DGCR8: variants seen among roughly 807,000 people sequenced by gnomAD.
DGCR8 encodes the protein DGCR8 microprocessor complex subunit.
DGCR8 carries 14 observed loss-of-function variants against 78.5 expected under a neutral mutation model. The observed-to-expected ratio is 0.18, with a 90% confidence interval of 0.12 to 0.28. The LOEUF (loss-of-function observed/expected upper bound fraction) is 0.28, where lower values mean the gene tolerates loss of function less well. Among genes scored for constraint, DGCR8 ranks in the 10% least tolerant of loss-of-function variants. DGCR8 has a pLI of 1.00. For missense variants in DGCR8, 702 were observed against 1,022.5 expected, an observed-to-expected ratio of 0.69 and a Z score of 4.28; for synonymous variants, 399 against 402.4, an observed-to-expected ratio of 0.99 and a Z score of 0.10.
At chr22:20,106,860 G>A (rs1042354648) in intron 11 of DGCR8, 162 bp downstream of exon 11, 6 of 619,548 alleles carry the variant, frequency 9.7e-6, no homozygotes, top group Admixed American at 7.9e-5. Flanking sequence ...ACTGGCAGCC[G>A]TCCTGCCTGC....
Position 20,086,034 on chromosome 22 carries a change from C to T in DGCR8, c.71C>T (p.Ala24Val). ...GGAGAAGCGGTGATGGAGAGCCGAG[C>T]TCGCCCCTTCCAAGCGCTGCCCCGT... is the stretch of plus-strand genomic sequence containing the variant. ...PAGEAVMESR[A>V]RPFQALPREQ... is the part of the protein sequence containing the mutation. The change falls in exon 2 of 14, where the codon GCT becomes GTT. Residue 24 changes from alanine (A) to valine (V), a missense_variant. Ala to Val is a moderately conservative substitution (Grantham distance 64). Around this residue, in one of 4 missense-constraint regions of DGCR8, gnomAD observed 356 missense variants for 448.9 expected, o/e 0.79. Coordinates refer to ENST00000351989, the MANE Select transcript of DGCR8 (RefSeq NM_022720.7). The surrounding 1 kb of genome is among the most constrained non-coding windows in gnomAD (Gnocchi z 6.4). 2 of 1,613,786 alleles carry T rather than the reference C, an allele frequency of 1.2e-6. No homozygotes were observed. The highest frequency in any genetic ancestry group is 1.7e-6 in the Non-Finnish European group (2 of 1,179,986).
chr22:20,106,168 G>C lies in DGCR8; in HGVS notation c.1789-9G>C. 1 of 1,613,404 alleles carries C rather than the reference G, an allele frequency of 6.2e-7. No individual in the cohort carries two copies. Among genetic ancestry groups the C allele is most frequent in the Non-Finnish European group, 8.5e-7 (1 of 1,179,542 alleles). On this transcript the variant is annotated splice_polypyrimidine_tract_variant and intron_variant, in intron 9 of 13. Transcript: ENST00000351989. ...GTGGGGACTCACAAGCCTCTGCTTT[G>C]TGTTGTAGTATTTTAACCACATCAG... is the stretch of plus-strand genomic sequence containing the variant.
intron 3 of DGCR8, among the ~76,000 whole-genome samples, chr22:20,088,421 C>T (rs898302596): frequency 6.6e-6 from 1 of 152,228 alleles, no homozygotes; most frequent in Admixed American, 6.5e-5. Context: ...TGGATGTTCA[C>T]AGACGGACAG....
chr22:20,110,994 G>T lies in DGCR8; in HGVS notation c.*886G>T. 1 of 396,868 alleles carries T rather than the reference G, an allele frequency of 2.5e-6. No homozygotes were observed. Among genetic ancestry groups the T allele is most frequent in the Non-Finnish European group, 4.4e-6 (1 of 225,530 alleles). The allele number at this position is 396,868 out of a possible 1,614,324, so 24.6% of individuals were successfully genotyped here. On this transcript the variant is annotated 3_prime_UTR_variant, in exon 14 of 14. Coordinates refer to ENST00000351989, the MANE Select transcript of DGCR8 (RefSeq NM_022720.7). ...TAGCATTTTGAAAGACTTTCACAGT[G>T]AGAGTAGAAGGTAGATTTGGAATCA...
At position 20,087,350 on chromosome 22, in the gene DGCR8, G is replaced by T; in HGVS notation, c.880+29G>T. On this transcript the variant is annotated intron_variant, in intron 3 of 13. Coordinates refer to ENST00000351989, the MANE Select transcript of DGCR8 (RefSeq NM_022720.7). This position sits in a 1 kb window ranked among gnomAD's most constrained non-coding sequence, Gnocchi z 4.1. ...CGTGTGTGGGTCAGAAGCAGTGGGT[G>T]TTCCAGGGCAGTGGAGGGGTGGTTG... The T allele has an allele frequency of 6.4e-7, 1 of 1,572,918 alleles. No homozygotes were observed. The highest frequency in any genetic ancestry group is 1.2e-5 in the South Asian group (1 of 86,566).
Position 20,091,757 on chromosome 22 carries a change from G to C in DGCR8, c.1505-112G>C, listed in dbSNP as rs2049565085. On this transcript the variant is annotated intron_variant, in intron 6 of 13. Transcript: ENST00000351989. ...TTTATGTTTATCCCATGAATGCAGG[G>C]GTCTGCCACATTCACGGTCGTGAGC... The C allele has an allele frequency of 4.7e-6, 7 of 1,484,088 alleles. No homozygotes were observed. The Admixed American group carries it at 1.2e-4, about 26-fold the overall frequency. The allele number at this position is 1,484,088 out of a possible 1,614,324, so 91.9% of individuals were successfully genotyped here. A position where few individuals can be genotyped will look rare whatever the true frequency, so the allele number is the denominator to read the frequency against.
chr22:20,085,154 C>T lies in DGCR8; in HGVS notation c.-277-533C>T. Reference sequence around the variant, plus strand: ...CCGTCCACGTGCTACCCTGTGGGCCCAGGAGAGCCCTGGGGTCCCTGGGTA... The same window carrying T: ...CCGTCCACGTGCTACCCTGTGGGCCTAGGAGAGCCCTGGGGTCCCTGGGTA... On this transcript the variant is annotated intron_variant, in intron 1 of 13. Coordinates refer to ENST00000351989, the MANE Select transcript of DGCR8 (RefSeq NM_022720.7). This position sits in a 1 kb window ranked among gnomAD's most constrained non-coding sequence, Gnocchi z 6.2. The T allele has an allele frequency of 1.7e-6, 1 of 599,796 alleles. No homozygotes were observed. 37.2% of individuals were successfully genotyped at this position (599,796 alleles called of 1,614,324 possible). A position where few individuals can be genotyped will look rare whatever the true frequency, so the allele number is the denominator to read the frequency against.
rs776415961 is a variant in DGCR8 at position 20,089,799 on chromosome 22, G to A, written c.1011G>A (p.Thr337=). The change falls in exon 4 of 14, where the codon ACG becomes ACA. Residue 337 remains threonine, a synonymous_variant. Coordinates refer to ENST00000351989, the MANE Select transcript of DGCR8 (RefSeq NM_022720.7). This position sits in a 1 kb window ranked among gnomAD's most constrained non-coding sequence, Gnocchi z 4.9. ...GGTCCAGGCCATACTTCTTGGGAACGGGAAGCATACGGGTAGGGGAGGCAT... is the reference window on the plus strand; with the variant it reads ...GGTCCAGGCCATACTTCTTGGGAACAGGAAGCATACGGGTAGGGGAGGCAT... ...VTWSRPYFLG[T]GSIRKHDPPL... 3.1e-6 allele frequency: 5 copies of A among 1,613,916 alleles called. No homozygotes were observed. Among genetic ancestry groups the A allele is most frequent in the East Asian group, 2.2e-5 (1 of 44,872 alleles).
In DGCR8 at chr22:20,086,907, C is replaced by A. The variant is rs143409583; in HGVS notation, c.720+224C>A. 7,603 of 737,342 alleles carry A rather than the reference C, an allele frequency of 0.01. 46 individuals are homozygous for A. Among genetic ancestry groups the A allele is most frequent in the Non-Finnish European group, 0.014 (6,558 of 468,344 alleles). The allele number at this position is 737,342 out of a possible 1,614,324, so 45.7% of individuals were successfully genotyped here. The stretch of plus-strand genomic sequence containing the variant: ...TTGGCCCATGGGTAGGCCCTGCATC[C>A]CTGATCTAGCGCGTGGGGCAGCAGG... On this transcript the variant is annotated intron_variant, in intron 2 of 13. Coordinates refer to ENST00000351989, the MANE Select transcript of DGCR8 (RefSeq NM_022720.7). The surrounding 1 kb of genome is among the most constrained non-coding windows in gnomAD (Gnocchi z 6.4).
intron 9 of DGCR8, among the ~76,000 whole-genome samples, chr22:20,095,293 A>T (rs1421313326): frequency 6.6e-6 from 1 of 152,086 alleles, no homozygotes; most frequent in African/African-American, 2.4e-5. Flanking sequence ...TTTAGTAGAG[A>T]TGGGGTTTCA....
chr22:20,096,902 TG>T (rs1483535594), intron 9 of DGCR8, among the ~76,000 whole-genome samples: 3 of 152,254 alleles, frequency 2.0e-5, no homozygotes, highest in Admixed American at 1.3e-4. Flanking sequence ...TTTTGTCAAA[TG>T]TTTTTCTGCT....
At chr22:20,083,588 C>T (rs760443407) in intron 1 of DGCR8, among the ~76,000 whole-genome samples, 7 of 152,094 alleles carry the variant, frequency 4.6e-5, no homozygotes, top group Admixed American at 1.3e-4. Flanking sequence ...TGCTTCTTCG[C>T]CTTCTGTGGT....
rs1224869341 is a variant in DGCR8 at position 20,089,134 on chromosome 22, A to G, written c.881-535A>G. On this transcript the variant is annotated intron_variant, in intron 3 of 13. Coordinates refer to ENST00000351989, the MANE Select transcript of DGCR8 (RefSeq NM_022720.7). This position sits in a 1 kb window ranked among gnomAD's most constrained non-coding sequence, Gnocchi z 4.9. ...TTGATAAGTCGTAAACCTCTTCCTCACAACTGCCTATAAAGCAAAGAAGGG... is the reference window on the plus strand; with the variant it reads ...TTGATAAGTCGTAAACCTCTTCCTCGCAACTGCCTATAAAGCAAAGAAGGG... 6.6e-6 allele frequency among the ~76,000 whole-genome samples: 1 copy of G among 152,228 alleles called. No homozygotes were observed. Among genetic ancestry groups the G allele is most frequent in the Non-Finnish European group, 1.5e-5 (1 of 68,044 alleles).
chr22:20,093,002 G>T, intron 8 of DGCR8, 95 bp downstream of exon 8: 2 of 848,916 alleles, frequency 2.4e-6, no homozygotes, highest in South Asian at 1.7e-5. Context: ...TGACAAGTGG[G>T]GGATGTGGGT....
intron 9 of DGCR8, among the ~76,000 whole-genome samples, chr22:20,104,463 G>C (rs1205759302): frequency 6.6e-6 from 1 of 152,114 alleles, no homozygotes; most frequent in African/African-American, 2.4e-5. Context: ...CACCGCGCCC[G>C]GCTGGCGTCG....
intron 3 of DGCR8, among the ~76,000 whole-genome samples, chr22:20,088,865 C>T (rs56326717): frequency 1.3e-5 from 2 of 152,222 alleles, no homozygotes; most frequent in East Asian, 3.9e-4. Context: ...TCACTACAGC[C>T]TCAGCCTCCC....
At chr22:20,109,164 G>T in intron 13 of DGCR8, 161 bp downstream of exon 13, 10 of 541,326 alleles carry the variant, frequency 1.8e-5, no homozygotes. Context: ...GCTTCGACAT[G>T]TGTGATAGTT....
chr22:20,089,165 G>T lies in DGCR8; in HGVS notation c.881-504G>T, dbSNP rs2049524002. Among the ~76,000 whole-genome samples the T allele has an allele frequency of 6.6e-6, 1 of 152,256 alleles. No homozygotes were observed. Among genetic ancestry groups the T allele is most frequent in the South Asian group, 2.1e-4 (1 of 4,836 alleles). On this transcript the variant is annotated intron_variant, in intron 3 of 13. Coordinates refer to ENST00000351989, the MANE Select transcript of DGCR8 (RefSeq NM_022720.7). This position sits in a 1 kb window ranked among gnomAD's most constrained non-coding sequence, Gnocchi z 4.9. Reference sequence around the variant, plus strand: ...GCCTATAAAGCAAAGAAGGGGTTGGGAGTAGTGTATTAAACCAACTTAGAA... The same window carrying T: ...GCCTATAAAGCAAAGAAGGGGTTGGTAGTAGTGTATTAAACCAACTTAGAA...
chr22:20,108,528 C>T (rs569659862), intron 12 of DGCR8: 29 of 233,760 alleles, frequency 1.2e-4, no homozygotes, highest in African/African-American at 6.1e-4. Flanking sequence ...TGGGCTGCAG[C>T]GTGCTGTTCT....
Sources: allele counts gnomAD v4.1 joint callset (sites outside exome capture counted in the v4.1 genomes callset), GRCh38; gene constraint gnomAD v4.1.1; regional missense constraint gnomAD v4.1.1; non-coding constraint Gnocchi (gnomAD v3.1); transcripts MANE v1.5; gene names NCBI Gene and HGNC (gene_info 2026-07-23, HGNC 2026-07-21).